Variants in VSIG10L observed in about 807,000 individuals in gnomAD.
The protein encoded by VSIG10L is V-set and immunoglobulin domain-containing protein 10-like.
VSIG10L carries 63 observed loss-of-function variants against 67.3 expected under a neutral mutation model. The observed-to-expected ratio is 0.94, with a 90% CI of 0.76 to 1.15. The LOEUF is 1.15. VSIG10L is among the 50% of genes most tolerant of loss of function. The pLI is 0.00. For synonymous variants in VSIG10L, 499 were observed against 524.9 expected (o/e 0.95, Z 0.67); for missense variants, 1,050 against 1,177.5 (o/e 0.89, Z 1.58).
In VSIG10L at chr19:51,338,059, G is replaced by C. The variant is rs577495235; in HGVS notation, c.1879C>G (p.Arg627Gly). 11 of 1,551,598 alleles carry C rather than the reference G, an allele frequency of 7.1e-6. No homozygotes were observed. Among genetic ancestry groups the C allele is most frequent in the Non-Finnish European group, 7.8e-6 (9 of 1,146,964 alleles). Reference protein sequence around the residue: ...GRPLAPGGGSRLRLSQDGRKL... With the variant: ...GRPLAPGGGSGLRLSQDGRKL... ...CGCCCATCTTGACTGAGCCGCAGGCGACTCCCGCCTCCTGGAGCCAGGGGC... is the reference window on the plus strand; with the variant it reads ...CGCCCATCTTGACTGAGCCGCAGGCCACTCCCGCCTCCTGGAGCCAGGGGC... The change falls in exon 6 of 10, where the codon CGC becomes GGC. Residue 627 changes from arginine (R) to glycine (G), a missense_variant. Transcript: ENST00000335624.
Position 51,333,832 on chromosome 19 carries a change from T to C in VSIG10L, c.2533A>G (p.Lys845Glu), listed in dbSNP as rs1238616542. Reference sequence around the variant, plus strand: ...GAGCTGTGGTCCTCCAGAGGGACTTTGAGGTCCAGAGGCCATGAAATCTCC... The same window carrying C: ...GAGCTGTGGTCCTCCAGAGGGACTTCGAGGTCCAGAGGCCATGAAATCTCC... Reference protein sequence around the residue: ...PVEISWPLDLKVPLEDHSSTR... With the variant: ...PVEISWPLDLEVPLEDHSSTR... Residue 845 changes from lysine to glutamate, a missense_variant, in exon 9 of 10, where the codon AAA becomes GAA. Physicochemically the swap from Lys to Glu is moderately conservative, Grantham distance 56. Transcript: ENST00000335624. 1.3e-6 allele frequency: 2 copies of C among 1,551,394 alleles called. No individual in the cohort carries two copies. Among genetic ancestry groups the C allele is most frequent in the Non-Finnish European group, 1.7e-6 (2 of 1,146,966 alleles).
chr19:51,332,976 A>G (rs1219571660), intron 9 of VSIG10L, among the ~76,000 whole-genome samples: 1 of 152,032 alleles, frequency 6.6e-6, no homozygotes, highest in African/African-American at 2.4e-5. Flanking sequence ...CAGCCTCCCT[A>G]GTAGCTGGGA....
In VSIG10L at chr19:51,340,823, T is replaced by C; in HGVS notation, c.896-97A>G. On this transcript the variant is annotated intron_variant, in intron 2 of 9. Coordinates refer to ENST00000335624, the MANE Select transcript of VSIG10L (RefSeq NM_001163922.3). The surrounding 1 kb of genome is among the most constrained non-coding windows in gnomAD (Gnocchi z 6.3). ...CCAGCCGCTGCTCCCTCTAAGCCCC[T>C]GGAGTCTCAGCCCCCATCCCTCTCC... The C allele has an allele frequency of 1.5e-6, 2 of 1,343,112 alleles. No homozygotes were observed. The highest frequency in any genetic ancestry group is 1.9e-6 in the Non-Finnish European group (2 of 1,026,912). 83.2% of individuals were successfully genotyped at this position (1,343,112 alleles called of 1,614,324 possible).
chr19:51,334,278 C>A lies in VSIG10L; in HGVS notation c.2332G>T (p.Ala778Ser), dbSNP rs1187455444. The change falls in exon 8 of 10, where the codon GCT (alanine) becomes TCT (serine). Residue 778 changes from alanine (A) to serine (S), a missense_variant. Coordinates refer to ENST00000335624, the MANE Select transcript of VSIG10L (RefSeq NM_001163922.3). ...AGCAGGGAGCCCAGGACGATGCCAG[C>A]GATGGCCCCATGGCTCAACGTGGGG... Reference protein sequence around the residue: ...AGPTLSHGAIAGIVLGSLLGL... With the variant: ...AGPTLSHGAISGIVLGSLLGL... 2 of 1,551,704 alleles carry A rather than the reference C, an allele frequency of 1.3e-6. No individual in the cohort carries two copies. The highest frequency in any genetic ancestry group is 4.9e-5 in the East Asian group (2 of 40,922).
At position 51,334,194 on chromosome 19, in the gene VSIG10L, G is replaced by A. The variant is rs181926303; in HGVS notation, c.2416C>T (p.Arg806Cys). The A allele has an allele frequency of 2.5e-5, 39 of 1,551,794 alleles. 1 individual carries two copies. Among genetic ancestry groups the A allele is most frequent in the East Asian group, 4.9e-5 (2 of 40,924 alleles). ...LLCICCLCRF[R>C]GKTPEKKKHP... ...CTTCCCCAGTCCCCTTGCTCACCAC[G>A]AAAGCGGCACAGGCAGCAGATGCAA... is the stretch of plus-strand genomic sequence containing the variant. Residue 806 changes from arginine (R) to cysteine (C), a missense_variant, in exon 8 of 10, where the codon CGT becomes TGT. Around this residue, in one of 3 missense-constraint regions of VSIG10L, gnomAD observed 529 missense variants for 584.9 expected, o/e 0.90. Transcript: ENST00000335624.
Position 51,339,021 on chromosome 19 carries a change from G to A in VSIG10L, c.1596C>T (p.Pro532=). The A allele has an allele frequency of 1.4e-6, 2 of 1,393,236 alleles. No individual in the cohort carries two copies. Among genetic ancestry groups the A allele is most frequent in the Non-Finnish European group, 1.9e-6 (2 of 1,068,050 alleles). 86.3% of individuals were successfully genotyped at this position (1,393,236 alleles called of 1,614,324 possible). The part of the protein sequence containing the change: ...PAASLQFQGL[P]EGIRAGPVSS... The stretch of plus-strand genomic sequence containing the variant: ...ACACTGGCCCGGCGCGGATGCCTTC[G>A]GGGAGACCCTGGAACTGCAGGGAGG... Residue 532 remains proline (P), a synonymous_variant, in exon 5 of 10, where the codon CCC becomes CCT. Coordinates refer to ENST00000335624, the MANE Select transcript of VSIG10L (RefSeq NM_001163922.3).
intron 6 of VSIG10L, 92 bp downstream of exon 6, chr19:51,337,838 G>A (rs1294573771): frequency 2.4e-5 from 34 of 1,429,380 alleles, no homozygotes; most frequent in Non-Finnish European, 3.1e-5. Flanking sequence ...GAGGTCTGAG[G>A]GAGGAGAGGT....
At chr19:51,333,754 C>G in intron 9 of VSIG10L, 37 bp downstream of exon 9, 1 of 1,505,764 alleles carries the variant, frequency 6.6e-7, no homozygotes, top group Non-Finnish European at 8.9e-7. Context: ...GAAGTTCCGC[C>G]CCGATTCCAG....
Position 51,341,149 on chromosome 19 carries a change from T to C in VSIG10L, c.895+4A>G, listed in dbSNP as rs572330831. ...CTGCACGCCGGACGCCAGGGCCCAC[T>C]TACCATACACACCCACCGTGAACTC... On this transcript the variant is annotated splice_donor_region_variant and intron_variant, in intron 2 of 9. Coordinates refer to ENST00000335624, the MANE Select transcript of VSIG10L (RefSeq NM_001163922.3). 3 of 1,498,868 alleles carry C rather than the reference T, an allele frequency of 2.0e-6. No homozygotes were observed. In the African/African-American group the frequency reaches 4.2e-5, roughly 21 times the overall value. 92.8% of individuals were successfully genotyped at this position (1,498,868 alleles called of 1,614,324 possible).
intron 7 of VSIG10L, among the ~76,000 whole-genome samples, chr19:51,334,778 C>CA (rs1336506810): frequency 2.0e-5 from 3 of 151,942 alleles, no homozygotes; most frequent in South Asian, 2.1e-4. Context: ...CCTGTCTCTA[C>CA]AAAAAATAGA....
intron 4 of VSIG10L, 129 bp from the exon 5 acceptor site, chr19:51,339,271 T>A: frequency 9.9e-7 from 1 of 1,007,338 alleles, no homozygotes; most frequent in Non-Finnish European, 1.3e-6. Context: ...TCCCCACTTT[T>A]CCTGCGATCC....
In VSIG10L at chr19:51,339,079, A is replaced by T; in HGVS notation, c.1538T>A (p.Phe513Tyr). 1.5e-6 allele frequency: 2 copies of T among 1,339,896 alleles called. No homozygotes were observed. Among genetic ancestry groups the T allele is most frequent in the Non-Finnish European group, 1.9e-6 (2 of 1,037,664 alleles). The allele number at this position is 1,339,896 out of a possible 1,614,324, so 83.0% of individuals were successfully genotyped here. A position where few individuals can be genotyped will look rare whatever the true frequency, so the allele number is the denominator to read the frequency against. ...EGGPGDRSLR[F>Y]RCSWPGGAPA... ...GGCCCCGCCGGGCCACGAGCAGCGG[A>T]AGCGGAGGCTGCGGTCCCCGGGACC... Residue 513 changes from phenylalanine (F) to tyrosine (Y), a missense_variant, in exon 5 of 10, where the codon TTC becomes TAC. Phe to Tyr is a conservative substitution (Grantham distance 22). Transcript: ENST00000335624.
chr19:51,340,423 C>A lies in VSIG10L; in HGVS notation c.1189+10G>T, dbSNP rs148937058. Reference sequence around the variant, plus strand: ...CCCCCTGTCCCCGACCCGAGGCATCCCCCACTCACAGAAGACGCTGACGTC... The same window carrying A: ...CCCCCTGTCCCCGACCCGAGGCATCACCCACTCACAGAAGACGCTGACGTC... On this transcript the variant is annotated intron_variant, in intron 3 of 9. Coordinates refer to ENST00000335624, the MANE Select transcript of VSIG10L (RefSeq NM_001163922.3). The surrounding 1 kb of genome is among the most constrained non-coding windows in gnomAD (Gnocchi z 6.3). 1.4e-6 allele frequency: 2 copies of A among 1,478,476 alleles called. No individual in the cohort carries two copies. Among genetic ancestry groups the A allele is most frequent in the Non-Finnish European group, 9.0e-7 (1 of 1,113,170 alleles). The allele number at this position is 1,478,476 out of a possible 1,614,324, so 91.6% of individuals were successfully genotyped here.
Position 51,340,899 on chromosome 19 carries a change from A to C in VSIG10L, c.896-173T>G, listed in dbSNP as rs1211606128. 2.0e-5 allele frequency among the ~76,000 whole-genome samples: 3 copies of C among 152,116 alleles called. No individual in the cohort carries two copies. Among genetic ancestry groups the C allele is most frequent in the Non-Finnish European group, 4.4e-5 (3 of 68,006 alleles). ...CCCAGACACCTCCTCTCCGGGACCC[A>C]GGAGTTCGCCAGAAGAGGCTCCTAG... On this transcript the variant is annotated intron_variant, in intron 2 of 9. Transcript: ENST00000335624. This position sits in a 1 kb window ranked among gnomAD's most constrained non-coding sequence, Gnocchi z 6.3.
At chr19:51,334,865 G>A (rs56251123) in intron 7 of VSIG10L, among the ~76,000 whole-genome samples, 8,750 of 152,244 alleles carry the variant, frequency 0.057, 327 homozygotes, top group Non-Finnish European at 0.083. Context: ...CTGAGTCTGG[G>A]GACGTTGAGG....
At chr19:51,334,476 C>T (rs1201634628) in intron 7 of VSIG10L, among the ~76,000 whole-genome samples, 172 bp from the exon 8 acceptor site, 1 of 152,208 alleles carries the variant, frequency 6.6e-6, no homozygotes, top group African/African-American at 2.4e-5. Flanking sequence ...TTAACAGTTA[C>T]TGAGTGACCG....
Position 51,340,075 on chromosome 19 carries a change from G to A in VSIG10L, c.1414C>T (p.Leu472=), listed in dbSNP as rs914540258. The A allele has an allele frequency of 2.8e-6, 4 of 1,431,180 alleles. No homozygotes were observed. The African/African-American group carries it at 4.4e-5, about 16-fold the overall frequency. 88.7% of individuals were successfully genotyped at this position (1,431,180 alleles called of 1,614,324 possible). Residue 472 remains leucine, a synonymous_variant, in exon 4 of 10, where the codon CTG becomes TTG. Transcript: ENST00000335624. This position sits in a 1 kb window ranked among gnomAD's most constrained non-coding sequence, Gnocchi z 6.3. ...CGGCCGGTACGCGGGTTCGCCGCCAGGCAGGCGTAGGTGCCTGCGTGGCCC... is the reference window on the plus strand; with the variant it reads ...CGGCCGGTACGCGGGTTCGCCGCCAAGCAGGCGTAGGTGCCTGCGTGGCCC... ...GPGHAGTYAC[L]AANPRTGRRR...
At position 51,341,914 on chromosome 19, in the gene VSIG10L, G is replaced by A. The variant is rs1478681866; in HGVS notation, c.134C>T (p.Ser45Phe). The A allele has an allele frequency of 1.9e-6, 3 of 1,551,610 alleles. No homozygotes were observed. The highest frequency in any genetic ancestry group is 1.4e-5 in the African/African-American group (1 of 73,044). ...GGGAACTTCCACACCCAGCCCCTGG[G>A]AAGAGCTCTTTGAGTCTGAAGAGAA... ...SAFSSDSKSS[S>F]QGLGVEVPSI... The change falls in exon 2 of 10, where the codon TCC (serine) becomes TTC (phenylalanine). Residue 45 changes from serine to phenylalanine, a missense_variant. Around this residue, in one of 3 missense-constraint regions of VSIG10L, gnomAD observed 511 missense variants for 557.9 expected, o/e 0.92. Transcript: ENST00000335624.
At position 51,332,403 on chromosome 19, in the gene VSIG10L, T is replaced by A. The variant is rs1985379060; in HGVS notation, c.*208A>T. On this transcript the variant is annotated 3_prime_UTR_variant, in exon 10 of 10. Coordinates refer to ENST00000335624, the MANE Select transcript of VSIG10L (RefSeq NM_001163922.3). The stretch of plus-strand genomic sequence containing the variant: ...TTCCCAGCCAAGAAGTCACATCTCC[T>A]TACTTGCACAAATACAGGAAGACTC... 4 of 671,872 alleles carry A rather than the reference T, an allele frequency of 6.0e-6. No homozygotes were observed. Among genetic ancestry groups the A allele is most frequent in the Non-Finnish European group, 8.0e-6 (3 of 373,662 alleles). The allele number at this position is 671,872 out of a possible 1,614,324, so 41.6% of individuals were successfully genotyped here. A position where few individuals can be genotyped will look rare whatever the true frequency, so the allele number is the denominator to read the frequency against.
Sources: gnomAD v4.1 joint callset for allele counts (sites outside exome capture counted in the v4.1 genomes callset) on GRCh38, gnomAD v4.1.1 for gene constraint, gnomAD v4.1.1 regional missense constraint, Gnocchi (gnomAD v3.1) non-coding constraint, MANE v1.5 for transcripts, NCBI Gene and HGNC (gene_info 2026-07-23, HGNC 2026-07-21) for gene names.